The following UBE2K variants were observed in gnomAD, a reference collection of about 807,000 sequenced individuals.
UBE2K encodes ubiquitin conjugating enzyme E2 K.
A neutral mutation model predicts 30.0 loss-of-function variants in UBE2K; 6 were observed. That is an observed-to-expected ratio of 0.20 (90% CI 0.11 to 0.39). The LOEUF is 0.39. Ranked by LOEUF, UBE2K falls within the 10% of genes least tolerant of loss-of-function variation. The pLI, the probability that UBE2K is intolerant of heterozygous loss-of-function variation, is 1.00. For missense variants in UBE2K, 61 were observed against 241.6 expected, an observed-to-expected ratio of 0.25 and a Z score of 4.96; for synonymous variants, 86 against 83.7, an observed-to-expected ratio of 1.03 and a Z score of -0.15.
chr4:39,765,518 AC>A (rs1712261960), intron 4 of UBE2K, among the ~76,000 whole-genome samples: 1 of 150,564 alleles, frequency 6.6e-6, no homozygotes, highest in African/African-American at 2.5e-5. Flanking sequence ...TGACCGTGAG[AC>A]CCTGTCTCAA....
chr4:39,759,239 C>T (rs370533504), intron 4 of UBE2K, among the ~76,000 whole-genome samples: 1 of 151,714 alleles, frequency 6.6e-6, no homozygotes, highest in Non-Finnish European at 1.5e-5. Flanking sequence ...GATGATATAC[C>T]TTTATTAATA....
intron 1 of UBE2K, chr4:39,714,291 G>T: frequency 4.9e-6 from 1 of 204,040 alleles, no homozygotes. Context: ...ACCTTTATGA[G>T]CTGCCTGCCA....
chr4:39,758,552 C>T (rs907513693), intron 4 of UBE2K, among the ~76,000 whole-genome samples: 1 of 152,196 alleles, frequency 6.6e-6, no homozygotes, highest in South Asian at 2.1e-4. Context: ...GTGGTGCATA[C>T]CTGTAATCCC....
rs1719564403 is a variant in UBE2K, at chr4:39,723,732, TTTG to T, written c.64-13685_64-13683del. Among the ~76,000 whole-genome samples the T allele has an allele frequency of 2.0e-5, 3 of 152,194 alleles. 1 individual carries two copies. The highest frequency in any genetic ancestry group is 7.2e-5 in the African/African-American group (3 of 41,448). ...TCAGAATGTCTTTGTAATTTAAATTTTTGTTAAGGGAAAATAATAACATTTAAA... is the reference window on the plus strand; with the variant it reads ...TCAGAATGTCTTTGTAATTTAAATTTTTAAGGGAAAATAATAACATTTAAA... On this transcript the variant is annotated intron_variant, in intron 1 of 6. Transcript: ENST00000261427.
rs869207095 is a variant in UBE2K, at chr4:39,762,936, CTTTTTTTT to C, written c.299+7217_299+7224del. Among the ~76,000 whole-genome samples, 728 of 78,704 alleles carry C rather than the reference CTTTTTTTT, an allele frequency of 9.2e-3. 8 individuals carry two copies. Among genetic ancestry groups the C allele is most frequent in the African/African-American group, 0.031 (656 of 20,856 alleles). The allele number at this position is 78,704 out of a possible 152,430, so 51.6% of individuals were successfully genotyped here. Reference sequence around the variant, plus strand: ...GAGCCACGCACCCGGCCAAAAAACACTTTTTTTTTTTTTTTTTTTTTTTTTTTGGAGAC... The same window carrying C: ...GAGCCACGCACCCGGCCAAAAAACACTTTTTTTTTTTTTTTTTTTGGAGAC... On this transcript the variant is annotated intron_variant, in intron 4 of 6. Transcript: ENST00000261427.
intron 4 of UBE2K, among the ~76,000 whole-genome samples, chr4:39,762,932 A>T (rs1050561900): frequency 7.2e-6 from 1 of 139,534 alleles, no homozygotes; most frequent in Admixed American, 7.4e-5. Flanking sequence ...CCGGCCAAAA[A>T]ACACTTTTTT....
At chr4:39,730,677 A>G (rs1333109156) in intron 1 of UBE2K, among the ~76,000 whole-genome samples, 1 of 152,054 alleles carries the variant, frequency 6.6e-6, no homozygotes, top group Admixed American at 6.5e-5. Context: ...CTAAGGCAGA[A>G]GGATCGCTTG....
At position 39,745,891 on chromosome 4, in the gene UBE2K, G is replaced by A. The variant is rs541608930; in HGVS notation, c.216+81G>A. On this transcript the variant is annotated intron_variant, in intron 3 of 6. Coordinates refer to ENST00000261427, the MANE Select transcript of UBE2K (RefSeq NM_005339.5). ...TCATTTTATTAATATATATTTTAGG[G>A]CTTATTAAAGTCACAGCTTTATGAA... 3.9e-5 allele frequency: 41 copies of A among 1,061,848 alleles called. No individual in the cohort carries two copies. The East Asian group carries it at 1.0e-3, about 26-fold the overall frequency. 65.8% of individuals were successfully genotyped at this position (1,061,848 alleles called of 1,614,324 possible).
At chr4:39,703,861 AAAG>A (rs1478818835) in intron 1 of UBE2K, among the ~76,000 whole-genome samples, 9 of 151,262 alleles carry the variant, frequency 5.9e-5, no homozygotes, top group Admixed American at 3.3e-4. Context: ...AAAAAAAAAA[AAAG>A]AATACTTTGA....
chr4:39,746,450 T>C (rs1720994815), intron 3 of UBE2K, among the ~76,000 whole-genome samples: 1 of 152,220 alleles, frequency 6.6e-6, no homozygotes, highest in Non-Finnish European at 1.5e-5. Context: ...TTATTCCCTG[T>C]TTTGTCTATT....
intron 4 of UBE2K, among the ~76,000 whole-genome samples, chr4:39,765,878 C>T (rs773471682): frequency 2.0e-5 from 3 of 151,194 alleles, no homozygotes; most frequent in African/African-American, 2.4e-5. Flanking sequence ...GAGGCCGAGG[C>T]GGATGGATCA....
chr4:39,765,940 C>CATACAT (rs762582207), intron 4 of UBE2K, among the ~76,000 whole-genome samples: 148 of 140,714 alleles, frequency 1.1e-3, no homozygotes, highest in Non-Finnish European at 1.8e-3. Context: ...TACATACATA[C>CATACAT]ACACACACAC....
chr4:39,728,394 TAGCTC>T (rs761431855), intron 1 of UBE2K, among the ~76,000 whole-genome samples: 1 of 152,192 alleles, frequency 6.6e-6, no homozygotes, highest in African/African-American at 2.4e-5. Flanking sequence ...AGAATTGCCT[TAGCTC>T]AGAGGTTTGA....
chr4:39,754,566 A>G (rs952579983), intron 3 of UBE2K, among the ~76,000 whole-genome samples: 1 of 152,192 alleles, frequency 6.6e-6, no homozygotes, highest in South Asian at 2.1e-4. Flanking sequence ...GCTGTAGTAC[A>G]GTGGCACGAT....
At chr4:39,730,550 T>C (rs1720013493) in intron 1 of UBE2K, among the ~76,000 whole-genome samples, 1 of 151,876 alleles carries the variant, frequency 6.6e-6, no homozygotes, top group Non-Finnish European at 1.5e-5. Context: ...CTGGTAGATC[T>C]TGAGGTCAGG....
At position 39,755,076 on chromosome 4, in the gene UBE2K, G is replaced by T. The variant is rs552749094; in HGVS notation, c.217-581G>T. Among the ~76,000 whole-genome samples the T allele has an allele frequency of 2.6e-5, 4 of 152,244 alleles. No individual in the cohort carries two copies. The South Asian group carries it at 8.3e-4, about 32-fold the overall frequency. On this transcript the variant is annotated intron_variant, in intron 3 of 6. Transcript: ENST00000261427. ...ATCAGATTGTGGGAGTTTACATTGT[G>T]CTCTGTTTAGCTATTTAATTAGATT...
At chr4:39,749,927 G>A (rs760003599) in intron 3 of UBE2K, among the ~76,000 whole-genome samples, 1 of 152,096 alleles carries the variant, frequency 6.6e-6, no homozygotes, top group Non-Finnish European at 1.5e-5. Context: ...GGCCAGGCGC[G>A]GTGGCTCACG....
At chr4:39,727,001 G>C (rs1023666892) in intron 1 of UBE2K, among the ~76,000 whole-genome samples, 7 of 152,142 alleles carry the variant, frequency 4.6e-5, no homozygotes, top group Non-Finnish European at 1.0e-4. Context: ...TAACATACAA[G>C]GACATTTTTA....
rs535218891 is a variant in UBE2K, at chr4:39,759,564, G to A, written c.299+3825G>A. Among the ~76,000 whole-genome samples, 6 of 152,276 alleles carry A rather than the reference G, an allele frequency of 3.9e-5. No homozygotes were observed. The East Asian group carries it at 1.2e-3, about 29-fold the overall frequency. ...CTCCCAGAGTGCTGCAATGACAGGC[G>A]TGAGCCACTGTGCCCGGCCCCTGGT... On this transcript the variant is annotated intron_variant, in intron 4 of 6. Coordinates refer to ENST00000261427, the MANE Select transcript of UBE2K (RefSeq NM_005339.5).
Sources: allele counts gnomAD v4.1 joint callset (sites outside exome capture counted in the v4.1 genomes callset), GRCh38; gene constraint gnomAD v4.1.1; transcripts MANE v1.5; gene names NCBI Gene and HGNC (gene_info 2026-07-23, HGNC 2026-07-21).